The following MRPS9 variants were observed in gnomAD, a reference collection of about 807,000 sequenced individuals.
MRPS9 encodes small ribosomal subunit protein uS9m.
A neutral mutation model predicts 59.9 loss-of-function variants in MRPS9; 45 were observed. The ratio of observed to expected loss-of-function variants is 0.75; its 90% CI spans 0.59 to 0.96. The LOEUF (loss-of-function observed/expected upper bound fraction) is 0.96, where lower values mean the gene tolerates loss of function less well. MRPS9 is among the 40% of genes least tolerant of loss of function. The pLI is 0.00. For missense variants in MRPS9, 473 were observed against 481.1 expected, an observed-to-expected ratio of 0.98 and a Z score of 0.16; for synonymous variants, 171 against 166.8, an observed-to-expected ratio of 1.03 and a Z score of -0.19.
rs543570199 is a variant in MRPS9 at position 105,064,330 on chromosome 2, T to G, written c.316-6983T>G. 5.6e-4 allele frequency among the ~76,000 whole-genome samples: 80 copies of G among 142,908 alleles called. 1 individual carries two copies. The South Asian group carries it at 0.016, about 29-fold the overall frequency. 93.8% of individuals were successfully genotyped at this position (142,908 alleles called of 152,430 possible). ...CCCTCAGTGACCCTTGACAAAGTAA[T>G]TACAGGACCAGAATTATGGCTAGGC... On this transcript the variant is annotated intron_variant, in intron 2 of 10. Transcript: ENST00000258455.
chr2:105,042,093 C>T lies in MRPS9; in HGVS notation c.135+3866C>T, dbSNP rs78464048. On this transcript the variant is annotated intron_variant, in intron 1 of 10. Transcript: ENST00000258455. ...AACAAATTATCCTAAAACCTAGCAG[C>T]TTAAACAACAGACATTTGTTATCTA... is the stretch of plus-strand genomic sequence containing the variant. Among the ~76,000 whole-genome samples, 475 of 152,326 alleles carry T rather than the reference C, an allele frequency of 3.1e-3. 2 individuals carry two copies. The highest frequency in any genetic ancestry group is 0.011 in the African/African-American group (448 of 41,580).
At chr2:105,089,160 A>C in intron 6 of MRPS9, 91 bp downstream of exon 6, 2 of 896,048 alleles carry the variant, frequency 2.2e-6, no homozygotes, top group Admixed American at 4.7e-5. Context: ...CTGAAGCCTA[A>C]AATTTGTTCA....
Position 105,038,160 on chromosome 2 carries a change from G to C in MRPS9, c.68G>C (p.Ser23Thr), listed in dbSNP as rs1026271014. Residue 23 changes from serine (S) to threonine (T), a missense_variant, in exon 1 of 11, where the codon AGC becomes ACC. Coordinates refer to ENST00000258455, the MANE Select transcript of MRPS9 (RefSeq NM_182640.3). ...CGGCTTCTTCTCTGGGGTAGGGGTA[G>C]CCTCGCCCGGAAGCAAGGCCTCTGG... Reference protein sequence around the residue: ...SYRLLLWGRGSLARKQGLWKT... With the variant: ...SYRLLLWGRGTLARKQGLWKT... 2.5e-6 allele frequency: 4 copies of C among 1,613,710 alleles called. No homozygotes were observed. The highest frequency in any genetic ancestry group is 1.1e-5 in the South Asian group (1 of 90,936).
chr2:105,087,800 T>C (rs148035832), intron 5 of MRPS9, among the ~76,000 whole-genome samples: 4 of 138,590 alleles, frequency 2.9e-5, no homozygotes, highest in African/African-American at 1.1e-4. Context: ...TCCTGCCTTT[T>C]TTCCTTCCTT....
At chr2:105,044,088 A>G (rs1166609047) in intron 1 of MRPS9, among the ~76,000 whole-genome samples, 1 of 151,910 alleles carries the variant, frequency 6.6e-6, no homozygotes, top group Admixed American at 6.6e-5. Flanking sequence ...GGTGCCTGAC[A>G]CCATGCCCAG....
At chr2:105,083,991 G>A (rs945489759) in intron 5 of MRPS9, among the ~76,000 whole-genome samples, 11 of 151,994 alleles carry the variant, frequency 7.2e-5, no homozygotes, top group African/African-American at 2.7e-4. Flanking sequence ...TCAAAAGAGA[G>A]GTTAATAAAG....
chr2:105,096,848 A>G (rs1680670967), intron 9 of MRPS9, among the ~76,000 whole-genome samples: 1 of 152,156 alleles, frequency 6.6e-6, no homozygotes, highest in Non-Finnish European at 1.5e-5. Flanking sequence ...CCCAACTGTA[A>G]GACTTCTTTA....
chr2:105,095,749 G>T (rs1302085009), intron 9 of MRPS9, among the ~76,000 whole-genome samples: 1 of 151,730 alleles, frequency 6.6e-6, no homozygotes, highest in Admixed American at 6.6e-5. Context: ...TGCCCGCCTC[G>T]GCCTCCCAAA....
chr2:105,058,677 T>C (rs1463359756), intron 2 of MRPS9, among the ~76,000 whole-genome samples: 4 of 151,364 alleles, frequency 2.6e-5, no homozygotes, highest in Admixed American at 6.6e-5. Context: ...TTAATGAGTT[T>C]CTTTTTTTTT....
intron 4 of MRPS9, among the ~76,000 whole-genome samples, chr2:105,074,865 G>A (rs988551310): frequency 2.0e-5 from 3 of 152,130 alleles, no homozygotes; most frequent in Non-Finnish European, 2.9e-5. Context: ...TGTGAAGGAC[G>A]ATTTCACGGA....
intron 9 of MRPS9, chr2:105,096,954 C>A (rs1680673633): frequency 2.2e-6 from 1 of 454,418 alleles, no homozygotes; most frequent in Non-Finnish European, 3.5e-6. Context: ...AGAAATAAAT[C>A]TTAATCTCTC....
chr2:105,038,307 T>C lies in MRPS9; in HGVS notation c.135+80T>C, dbSNP rs542044524. The C allele has an allele frequency of 1.0e-5, 16 of 1,538,404 alleles. No homozygotes were observed. The African/African-American group carries it at 1.8e-4, about 17-fold the overall frequency. The stretch of plus-strand genomic sequence containing the variant: ...CCAGCGCGGACACCTTCCCCCAGCG[T>C]CTCGCGTGCCTTCAGGCAGGGACTC... On this transcript the variant is annotated intron_variant, in intron 1 of 10. Transcript: ENST00000258455.
At chr2:105,049,879 G>GT (rs1230820639) in intron 2 of MRPS9, among the ~76,000 whole-genome samples, 1 of 152,170 alleles carries the variant, frequency 6.6e-6, no homozygotes, top group African/African-American at 2.4e-5. Context: ...AGCAAAGGAA[G>GT]TTGAATTTAA....
At chr2:105,064,317 C>T (rs1679958863) in intron 2 of MRPS9, among the ~76,000 whole-genome samples, 1 of 150,140 alleles carries the variant, frequency 6.7e-6, no homozygotes, top group Non-Finnish European at 1.5e-5. Flanking sequence ...CTCAGTGACC[C>T]TTGACAAAGT....
In MRPS9 at chr2:105,092,435, T is replaced by G; in HGVS notation, c.686T>G (p.Leu229Trp). The change falls in exon 8 of 11, where the codon TTG becomes TGG. Residue 229 changes from leucine (L) to tryptophan (W), a missense_variant. Physicochemically the swap from Leu to Trp is moderately conservative, Grantham distance 61 (BLOSUM62 -2). Transcript: ENST00000258455. ...MQFIRLLEKL[L>W]TSQCGAAEEE... ...TTCATTCGGCTGCTAGAAAAGTTAT[T>G]GACATCGCAGTGTGGTGCTGCTGAG... 1 of 1,612,958 alleles carries G rather than the reference T, an allele frequency of 6.2e-7. No individual in the cohort carries two copies. The highest frequency in any genetic ancestry group is 2.2e-5 in the East Asian group (1 of 44,862).
chr2:105,097,302 C>G lies in MRPS9; in HGVS notation c.1077C>G (p.Asp359Glu). ...AKALCSFVTE[D>E]EVEWMRQAGL... Reference sequence around the variant, plus strand: ...CCTTGTGCAGCTTTGTCACCGAGGACGAGGTCGAGTGGATGAGACAAGGTA... The same window carrying G: ...CCTTGTGCAGCTTTGTCACCGAGGAGGAGGTCGAGTGGATGAGACAAGGTA... The change falls in exon 10 of 11, where the codon GAC becomes GAG. Residue 359 changes from aspartate (D) to glutamate (E), a missense_variant. By Grantham distance (45) the Asp-to-Glu change is conservative. Coordinates refer to ENST00000258455, the MANE Select transcript of MRPS9 (RefSeq NM_182640.3). 6.2e-7 allele frequency: 1 copy of G among 1,607,300 alleles called. No homozygotes were observed. Among genetic ancestry groups the G allele is most frequent in the Non-Finnish European group, 8.5e-7 (1 of 1,176,988 alleles).
intron 2 of MRPS9, among the ~76,000 whole-genome samples, chr2:105,056,941 T>A (rs1048614325): frequency 6.6e-6 from 1 of 152,158 alleles, no homozygotes; most frequent in Non-Finnish European, 1.5e-5. Flanking sequence ...GGCTACAGGA[T>A]TCTATATATT....
intron 2 of MRPS9, among the ~76,000 whole-genome samples, chr2:105,051,650 T>A (rs532346216): frequency 6.6e-6 from 1 of 152,326 alleles, no homozygotes; most frequent in African/African-American, 2.4e-5. Flanking sequence ...TTAATGTTAG[T>A]TAAGTCTTCT....
intron 2 of MRPS9, among the ~76,000 whole-genome samples, chr2:105,050,385 C>G (rs1679688992): frequency 6.6e-6 from 1 of 152,164 alleles, no homozygotes; most frequent in Non-Finnish European, 1.5e-5. Context: ...GGCGATCCAC[C>G]CATCTCAGCC....
Sources: allele counts gnomAD v4.1 joint callset (sites outside exome capture counted in the v4.1 genomes callset), GRCh38; gene constraint gnomAD v4.1.1; transcripts MANE v1.5; gene names NCBI Gene and HGNC (gene_info 2026-07-23, HGNC 2026-07-21).